Variants in ZNF615 observed in about 807,000 individuals in gnomAD.
ZNF615 encodes zinc finger protein 615.
In ZNF615, 15 loss-of-function variants were observed where a neutral mutation model predicts 15.3. The observed-to-expected ratio is 0.98, with a 90% CI of 0.66 to 1.51. The LOEUF (loss-of-function observed/expected upper bound fraction) is 1.51. Among genes scored for constraint, ZNF615 ranks in the 40% most tolerant of loss-of-function variants. The pLI is 0.00. For synonymous variants in ZNF615, 268 were observed against 294.6 expected (o/e 0.91, Z 0.92); for missense variants, 848 against 895.9 (o/e 0.95, Z 0.68).
At chr19:51,996,119 G>A (rs1049270536) in intron 6 of ZNF615, among the ~76,000 whole-genome samples, 3 of 152,132 alleles carry the variant, frequency 2.0e-5, no homozygotes, top group African/African-American at 7.2e-5. Flanking sequence ...GCTGGATACA[G>A]TGGCTCACAC....
rs1172310589 is a variant in ZNF615 at position 51,996,385 on chromosome 19, C to CAAAAAAAAAAAAAAAAAAAAAAA, written c.272-1571_272-1549dup. On this transcript the variant is annotated intron_variant, in intron 6 of 6. Coordinates refer to ENST00000598071, the MANE Select transcript of ZNF615 (RefSeq NM_001199324.2). ...GGGGTGACACAGCAAGACTCTGTCT[C>CAAAAAAAAAAAAAAAAAAAAAAA]AAAAAAAAAAAAAAAAAAAAAAACG... Among the ~76,000 whole-genome samples, 11 of 33,312 alleles carry CAAAAAAAAAAAAAAAAAAAAAAA rather than the reference C, an allele frequency of 3.3e-4. 1 individual carries two copies. The highest frequency in any genetic ancestry group is 5.0e-4 in the Non-Finnish European group (9 of 18,126). 21.9% of individuals were successfully genotyped at this position (33,312 alleles called of 152,430 possible).
chr19:52,003,959 T>G, intron 2 of ZNF615, 59 bp from the exon 3 acceptor site: 2 of 1,199,316 alleles, frequency 1.7e-6, no homozygotes. Flanking sequence ...TTGTCACTGT[T>G]CCTATATGCT....
At chr19:52,000,427 T>A (rs1164962247) in intron 5 of ZNF615, 49 bp from the exon 6 acceptor site, 1 of 603,426 alleles carries the variant, frequency 1.7e-6, no homozygotes, top group Middle Eastern at 4.2e-4. Context: ...AATAAAATTA[T>A]ATAAGGATAG....
chr19:52,005,694 T>C (rs746834355), intron 2 of ZNF615, among the ~76,000 whole-genome samples: 9 of 152,192 alleles, frequency 5.9e-5, no homozygotes, highest in Non-Finnish European at 1.0e-4. Flanking sequence ...CCACCTGTTT[T>C]GTAAATAAAG....
chr19:51,995,476 G>A (rs2086390698), intron 6 of ZNF615, among the ~76,000 whole-genome samples: 1 of 151,968 alleles, frequency 6.6e-6, no homozygotes, highest in Non-Finnish European at 1.5e-5. Flanking sequence ...AAATGACAAA[G>A]GCTGTATTAA....
intron 2 of ZNF615, chr19:52,004,909 AT>A (rs1178988833): frequency 2.0e-5 from 3 of 152,192 alleles, no homozygotes; most frequent in African/African-American, 7.2e-5. Flanking sequence ...GACTGGAAAA[AT>A]AATACTGATA....
intron 6 of ZNF615, among the ~76,000 whole-genome samples, chr19:51,999,650 A>G (rs1403798348): frequency 6.6e-6 from 1 of 152,222 alleles, no homozygotes; most frequent in East Asian, 1.9e-4. Context: ...AATATGATGA[A>G]AAAAGCAAAA....
rs139255195 is a variant in ZNF615 at position 52,002,224 on chromosome 19, G to A, written c.73C>T (p.Leu25=). The part of the protein sequence containing the change: ...VDFTWEEWQF[L]SPAQKDLYRD... ...TACAGGTCCTTCTGAGCAGGGCTCA[G>A]GAACTGCCACTCCTCCCAGGTGAAG... is the stretch of plus-strand genomic sequence containing the variant. Residue 25 remains leucine, a synonymous_variant, in exon 4 of 7, where the codon CTG becomes TTG. Transcript: ENST00000598071. 3.8e-4 allele frequency: 621 copies of A among 1,614,212 alleles called. 3 individuals carry two copies. The African/African-American group carries it at 7.6e-3, about 20-fold the overall frequency.
chr19:51,992,573 T>A lies in ZNF615; in HGVS notation c.*307A>T. On this transcript the variant is annotated 3_prime_UTR_variant, in exon 7 of 7. Coordinates refer to ENST00000598071, the MANE Select transcript of ZNF615 (RefSeq NM_001199324.2). ...GAAGTTTTATTTTTGGGCAAAGACGTTCCTATAATTATTACATTTCCACGA... is the reference window on the plus strand; with the variant it reads ...GAAGTTTTATTTTTGGGCAAAGACGATCCTATAATTATTACATTTCCACGA... 1 of 256,156 alleles carries A rather than the reference T, an allele frequency of 3.9e-6. No individual in the cohort carries two copies. The highest frequency in any genetic ancestry group is 7.7e-5 in the East Asian group (1 of 13,034). The allele number at this position is 256,156 out of a possible 1,614,324, so 15.9% of individuals were successfully genotyped here. A position where few individuals can be genotyped will look rare whatever the true frequency, so the allele number is the denominator to read the frequency against.
At chr19:51,999,183 T>TGATAATGCATTGTCGAAAGAAGTCAAAGA (rs1450907281) in intron 6 of ZNF615, among the ~76,000 whole-genome samples, 21 of 152,184 alleles carry the variant, frequency 1.4e-4, no homozygotes, top group African/African-American at 4.8e-4. Flanking sequence ...ATTCTGAAAG[T>TGATAATGCATTGTCGAAAGAAGTCAAAGA]GATAATGCAT....
At chr19:52,002,561 A>C (rs2086631243) in intron 3 of ZNF615, 1 of 501,830 alleles carries the variant, frequency 2.0e-6, no homozygotes, top group Non-Finnish European at 3.8e-6. Context: ...TCTATTTCCC[A>C]ATACCAAACT....
intron 6 of ZNF615, among the ~76,000 whole-genome samples, chr19:51,995,215 A>G (rs2086383810): frequency 6.6e-6 from 1 of 152,198 alleles, no homozygotes; most frequent in South Asian, 2.1e-4. Context: ...AGGAAATTCC[A>G]TGTATAAATA....
intron 2 of ZNF615, 147 bp downstream of exon 2, chr19:52,007,146 G>A (rs1418236563): frequency 2.5e-6 from 1 of 393,186 alleles, no homozygotes; most frequent in South Asian, 2.4e-5. Context: ...ACTTCTAAAT[G>A]TTTATTACAT....
intron 6 of ZNF615, among the ~76,000 whole-genome samples, chr19:51,995,146 C>G (rs189235721): frequency 6.6e-6 from 1 of 152,054 alleles, no homozygotes; most frequent in African/African-American, 2.4e-5. Context: ...GTATAAATAT[C>G]CCTCATCTCT....
intron 6 of ZNF615, among the ~76,000 whole-genome samples, chr19:51,996,838 G>A (rs1206595935): frequency 6.6e-6 from 1 of 152,172 alleles, no homozygotes; most frequent in Non-Finnish European, 1.5e-5. Context: ...AAACATCTAG[G>A]AGTGGTAAGA....
At chr19:52,000,092 A>T (rs1355694168) in intron 6 of ZNF615, 3 of 359,572 alleles carry the variant, frequency 8.3e-6, no homozygotes, top group African/African-American at 6.3e-5. Context: ...TGCAGCTGGA[A>T]GCCATTACCC....
chr19:51,992,845 G>C lies in ZNF615; in HGVS notation c.*35C>G. On this transcript the variant is annotated 3_prime_UTR_variant, in exon 7 of 7. Transcript: ENST00000598071. ...TTACTCTTCTTTGCAGATATCTTAA[G>C]GGCCTACATCTGGCAAGAGGCTTTC... 1 of 1,602,200 alleles carries C rather than the reference G, an allele frequency of 6.2e-7. No homozygotes were observed. Among genetic ancestry groups the C allele is most frequent in the East Asian group, 2.2e-5 (1 of 44,698 alleles).
chr19:52,006,671 CACAA>C (rs2086761212), intron 2 of ZNF615, among the ~76,000 whole-genome samples: 2 of 149,546 alleles, frequency 1.3e-5, no homozygotes, highest in African/African-American at 2.4e-5. Context: ...AGGAATGATT[CACAA>C]ACAGAGGAAT....
intron 2 of ZNF615, 70 bp downstream of exon 2, chr19:52,007,223 T>C (rs2086777194): frequency 1.1e-6 from 1 of 898,480 alleles, no homozygotes; most frequent in African/African-American, 1.7e-5. Context: ...ATTAAGCACA[T>C]AACATACACG....
Sources: allele counts gnomAD v4.1 joint callset (sites outside exome capture counted in the v4.1 genomes callset), GRCh38; gene constraint gnomAD v4.1.1; transcripts MANE v1.5; gene names NCBI Gene and HGNC (gene_info 2026-07-23, HGNC 2026-07-21).